The following RPS6KA6 variants were observed in gnomAD, a reference collection of about 807,000 sequenced individuals.
RPS6KA6 encodes the protein ribosomal protein S6 kinase alpha-6.
RPS6KA6 carries 27 observed loss-of-function variants against 65.4 expected under a neutral mutation model. The ratio of observed to expected loss-of-function variants is 0.41; its 90% CI spans 0.30 to 0.57. RPS6KA6 has a LOEUF of 0.57. RPS6KA6 is among the 20% of genes least tolerant of loss of function. RPS6KA6 has a pLI of 0.24. For synonymous variants in RPS6KA6, 190 were observed against 184.2 expected, an observed-to-expected ratio of 1.03 and a Z score of -0.26; for missense variants, 486 against 555.6, an observed-to-expected ratio of 0.87 and a Z score of 1.26.
chrX:84,114,668 T>C lies in RPS6KA6; in HGVS notation c.1008+1561A>G, dbSNP rs1048165201. 2.7e-5 allele frequency among the ~76,000 whole-genome samples: 3 copies of C among 111,368 alleles called. No individual in the cohort carries two copies. The South Asian group carries it at 1.1e-3, about 42-fold the overall frequency. On this transcript the variant is annotated intron_variant, in intron 12 of 21. Transcript: ENST00000262752. ...ATAGCCAAAGCAACCCTAAGTAAAA[T>C]TAACAAAGCCAGACGCATCACATTT...
chrX:84,140,868 G>C (rs1278533234), intron 6 of RPS6KA6, among the ~76,000 whole-genome samples: 2 of 108,363 alleles, frequency 1.8e-5, no homozygotes, highest in Non-Finnish European at 3.8e-5. Context: ...GCTCACAAAG[G>C]ACTGAGATAG....
chrX:84,160,177 G>A (rs2035488411), intron 2 of RPS6KA6, among the ~76,000 whole-genome samples: 1 of 111,185 alleles, frequency 9.0e-6, no homozygotes, highest in African/African-American at 3.3e-5. Flanking sequence ...TGAATCTGAG[G>A]CCAGGATGAC....
At position 84,062,072 on chromosome X, in the gene RPS6KA6, T is replaced by C. The variant is rs1166023838; in HGVS notation, c.*2205A>G. ...CAATTATCGGGTACATCCAGTAGCA[T>C]ACCTGTATCTTTTATACACTGTCAG... On this transcript the variant is annotated 3_prime_UTR_variant, in exon 22 of 22. Coordinates refer to ENST00000262752, the MANE Select transcript of RPS6KA6 (RefSeq NM_014496.5). 9.0e-6 allele frequency: 1 copy of C among 111,692 alleles called. No individual in the cohort carries two copies. The highest frequency in any genetic ancestry group is 1.9e-5 in the Non-Finnish European group (1 of 53,034). The allele number at this position is 111,692 out of a possible 1,213,427, so 9.2% of individuals were successfully genotyped here.
intron 8 of RPS6KA6, among the ~76,000 whole-genome samples, chrX:84,132,517 C>T (rs895826443): frequency 3.6e-5 from 4 of 110,064 alleles, no homozygotes; most frequent in Admixed American, 1.9e-4. Flanking sequence ...ATTCTGTATT[C>T]GAGCTGTACT....
intron 6 of RPS6KA6, among the ~76,000 whole-genome samples, chrX:84,142,260 T>C (rs2035118960): frequency 9.0e-6 from 1 of 111,549 alleles, no homozygotes; most frequent in African/African-American, 3.2e-5. Context: ...AGCAGACTTC[T>C]AAATATCAAT....
chrX:84,174,002 C>T (rs1439123653), intron 1 of RPS6KA6, among the ~76,000 whole-genome samples: 1 of 112,023 alleles, frequency 8.9e-6, no homozygotes, highest in Non-Finnish European at 1.9e-5. Context: ...AAAAAAGTAT[C>T]TTTGTATATT....
intron 20 of RPS6KA6, among the ~76,000 whole-genome samples, chrX:84,077,752 A>G (rs1293305895): frequency 8.9e-6 from 1 of 112,195 alleles, no homozygotes; most frequent in Non-Finnish European, 1.9e-5. Flanking sequence ...ATGATCACAT[A>G]GCTGACTGGG....
intron 6 of RPS6KA6, among the ~76,000 whole-genome samples, chrX:84,140,880 T>C (rs1336082805): frequency 1.8e-5 from 2 of 108,886 alleles, no homozygotes; most frequent in Non-Finnish European, 3.8e-5. Flanking sequence ...CTGAGATAGC[T>C]CCTCTTCCCA....
intron 20 of RPS6KA6, among the ~76,000 whole-genome samples, chrX:84,067,699 A>G (rs2033435702): frequency 8.9e-6 from 1 of 111,815 alleles, no homozygotes; most frequent in African/African-American, 3.3e-5. Flanking sequence ...ACAATTCAAG[A>G]TATCATCCAG....
intron 20 of RPS6KA6, among the ~76,000 whole-genome samples, chrX:84,090,715 A>T (rs748454631): frequency 9.0e-6 from 1 of 111,724 alleles, no homozygotes; most frequent in Non-Finnish European, 1.9e-5. Flanking sequence ...AATTGCCCCC[A>T]TGATTCAGTT....
intron 1 of RPS6KA6, among the ~76,000 whole-genome samples, chrX:84,168,604 T>C (rs1471500331): frequency 1.8e-5 from 2 of 111,633 alleles, no homozygotes; most frequent in Non-Finnish European, 3.8e-5. Flanking sequence ...TCGTGATAAT[T>C]AAATTTTTGC....
At chrX:84,103,726 T>C (rs1453738564) in intron 17 of RPS6KA6, among the ~76,000 whole-genome samples, 2 of 111,109 alleles carry the variant, frequency 1.8e-5, no homozygotes, top group African/African-American at 6.5e-5. Flanking sequence ...TATAAAAAGC[T>C]ACTGTTTAGC....
chrX:84,117,574 T>C (rs1305733403), intron 9 of RPS6KA6, 120 bp from the exon 10 acceptor site: 1 of 388,840 alleles, frequency 2.6e-6, no homozygotes, highest in African/African-American at 2.6e-5. Context: ...TACATGATAG[T>C]AGATCAAAAT....
At chrX:84,086,349 C>T (rs193051351) in intron 20 of RPS6KA6, among the ~76,000 whole-genome samples, 2 of 111,576 alleles carry the variant, frequency 1.8e-5, no homozygotes, top group African/African-American at 6.5e-5. Context: ...GATTCTGGTA[C>T]ATTGTCTCTT....
At chrX:84,102,380 T>A (rs747847985) in intron 17 of RPS6KA6, among the ~76,000 whole-genome samples, 182 bp from the exon 18 acceptor site, 34 of 111,118 alleles carry the variant, frequency 3.1e-4, no homozygotes, top group Non-Finnish European at 9.5e-5. Context: ...AAATTATGTC[T>A]GTCAGATAGA....
At chrX:84,118,597 A>C (rs996955265) in intron 9 of RPS6KA6, among the ~76,000 whole-genome samples, 3 of 111,525 alleles carry the variant, frequency 2.7e-5, no homozygotes, top group African/African-American at 9.8e-5. Flanking sequence ...TGTCCTCTTC[A>C]GCTATCTCTT....
chrX:84,151,150 T>G (rs1380835791), intron 3 of RPS6KA6, among the ~76,000 whole-genome samples: 11 of 99,353 alleles, frequency 1.1e-4, no homozygotes, highest in East Asian at 3.1e-4. Flanking sequence ...GATATATAGA[T>G]ATATATAGGA....
At chrX:84,163,669 C>A (rs116257886) in intron 2 of RPS6KA6, among the ~76,000 whole-genome samples, 12,017 of 98,024 alleles carry the variant, frequency 0.12, 617 homozygotes, top group Middle Eastern at 0.23. Flanking sequence ...AAAAAAAAAT[C>A]TATAACTCTA....
intron 6 of RPS6KA6, among the ~76,000 whole-genome samples, chrX:84,143,700 T>A (rs902282179): frequency 3.6e-5 from 4 of 111,193 alleles, no homozygotes; most frequent in Admixed American, 9.6e-5. Flanking sequence ...TTAAAATTGA[T>A]ATGGAAATGC....
Sources: allele counts gnomAD v4.1 joint callset (sites outside exome capture counted in the v4.1 genomes callset), GRCh38; gene constraint gnomAD v4.1.1; transcripts MANE v1.5; gene names NCBI Gene and HGNC (gene_info 2026-07-23, HGNC 2026-07-21).